LRRC37A2: variants seen among roughly 807,000 people sequenced by gnomAD.
LRRC37A2 encodes the protein leucine-rich repeat-containing protein 37A2.
In LRRC37A2, 9 loss-of-function variants were observed where a neutral mutation model predicts 68.8. That is an observed-to-expected ratio of 0.13 (90% CI 0.08 to 0.23). The LOEUF (loss-of-function observed/expected upper bound fraction) is 0.23. LRRC37A2 is among the 10% of genes least tolerant of loss of function. LRRC37A2 has a pLI of 1.00. For synonymous variants in LRRC37A2, 63 were observed against 367.6 expected (o/e 0.17, Z 9.48); for missense variants, 168 against 950.4 (o/e 0.18, Z 10.82).
At chr17:47,036,743 T>G in the LRRC37A2 span, among the ~76,000 whole-genome samples, 2 of 151,254 alleles carry the variant, frequency 1.3e-5, no homozygotes, top group African/African-American at 4.9e-5. Context: ...GCTGTAGATT[T>G]GATTTGGGTT....
chr17:46,551,038 T>TG (rs2056748658), intron 11 of LRRC37A2, among the ~76,000 whole-genome samples: 1 of 149,928 alleles, frequency 6.7e-6, no homozygotes, highest in African/African-American at 2.5e-5. Flanking sequence ...AGAGTAGCCA[T>TG]CTTTTACAAA....
chr17:46,929,317 G>C, the LRRC37A2 span, among the ~76,000 whole-genome samples: 1 of 152,170 alleles, frequency 6.6e-6, no homozygotes, highest in Non-Finnish European at 1.5e-5. Flanking sequence ...CCCATAATCT[G>C]CCTATCAGTG....
chr17:46,707,304 G>T, the LRRC37A2 span, among the ~76,000 whole-genome samples: 1 of 152,238 alleles, frequency 6.6e-6, no homozygotes, highest in Non-Finnish European at 1.5e-5. Flanking sequence ...TCTTTTGCCT[G>T]TTTTTCTGTT....
At chr17:46,899,201 C>A in the LRRC37A2 span, among the ~76,000 whole-genome samples, 1 of 151,868 alleles carries the variant, frequency 6.6e-6, no homozygotes, top group Non-Finnish European at 1.5e-5. Flanking sequence ...ACCAGCCTGG[C>A]CAGTGTGGCG....
At chr17:47,000,960 A>G in the LRRC37A2 span, among the ~76,000 whole-genome samples, 1 of 151,938 alleles carries the variant, frequency 6.6e-6, no homozygotes. Context: ...ATGTGGTAAA[A>G]CCCCGTCTCT....
At chr17:46,748,679 C>T in the LRRC37A2 span, among the ~76,000 whole-genome samples, 21 of 152,214 alleles carry the variant, frequency 1.4e-4, no homozygotes, top group Non-Finnish European at 1.9e-4. Context: ...TCAGATTGAA[C>T]TGTGAACACA....
At chr17:46,854,661 A>T in the LRRC37A2 span, among the ~76,000 whole-genome samples, 1 of 152,120 alleles carries the variant, frequency 6.6e-6, no homozygotes, top group Non-Finnish European at 1.5e-5. Flanking sequence ...CAGTTTACAA[A>T]TCTCTTTTTT....
chr17:46,868,143 C>G, the LRRC37A2 span, among the ~76,000 whole-genome samples: 1 of 152,182 alleles, frequency 6.6e-6, no homozygotes, highest in Admixed American at 6.5e-5. Context: ...CCAGGAGGCT[C>G]AGGAGCACCT....
the LRRC37A2 span, chr17:46,923,248 G>C: frequency 6.4e-7 from 1 of 1,550,938 alleles, no homozygotes; most frequent in Non-Finnish European, 8.7e-7. Context: ...GAGCGGGCAG[G>C]GGCTAGACGA....
chr17:46,852,672 C>T, the LRRC37A2 span, among the ~76,000 whole-genome samples: 1 of 152,008 alleles, frequency 6.6e-6, no homozygotes, highest in Non-Finnish European at 1.5e-5. Flanking sequence ...CACCCAAAGC[C>T]AACTCCAATA....
the LRRC37A2 span, chr17:46,931,596 A>G: frequency 3.3e-6 from 1 of 306,098 alleles, no homozygotes; most frequent in Non-Finnish European, 6.1e-6. Flanking sequence ...ACCCATAATG[A>G]AATGCTGATC....
the LRRC37A2 span, chr17:46,833,234 G>A: frequency 9.5e-6 from 4 of 421,132 alleles, no homozygotes; most frequent in East Asian, 7.0e-5. Flanking sequence ...CGTGGAAGCT[G>A]GGCCTGAGCC....
At chr17:46,775,683 G>A in the LRRC37A2 span, among the ~76,000 whole-genome samples, 88 of 145,222 alleles carry the variant, frequency 6.1e-4, no homozygotes, top group Admixed American at 7.8e-4. Flanking sequence ...ACGTGATCTC[G>A]GCTCACTGCA....
At chr17:46,996,072 C>T in the LRRC37A2 span, among the ~76,000 whole-genome samples, 1 of 152,066 alleles carries the variant, frequency 6.6e-6, no homozygotes, top group Non-Finnish European at 1.5e-5. Flanking sequence ...GGAGTGAGGT[C>T]TGCTGCTTGC....
At chr17:46,749,036 C>T in the LRRC37A2 span, among the ~76,000 whole-genome samples, 3 of 152,048 alleles carry the variant, frequency 2.0e-5, no homozygotes, top group Non-Finnish European at 4.4e-5. Flanking sequence ...TAATAAATCC[C>T]CATCTTCCAT....
At chr17:46,810,306 C>T in the LRRC37A2 span, among the ~76,000 whole-genome samples, 1 of 152,204 alleles carries the variant, frequency 6.6e-6, no homozygotes, top group African/African-American at 2.4e-5. Flanking sequence ...CATGCCCAGC[C>T]TTCTTATTCC....
chr17:47,031,248 G>A, the LRRC37A2 span, among the ~76,000 whole-genome samples: 2 of 148,862 alleles, frequency 1.3e-5, no homozygotes, highest in South Asian at 4.5e-4. Flanking sequence ...CCCAAGCGCA[G>A]TAAAGTCAAA....
the LRRC37A2 span, among the ~76,000 whole-genome samples, chr17:46,860,744 C>G: frequency 6.6e-6 from 1 of 152,220 alleles, no homozygotes; most frequent in Admixed American, 6.5e-5. Flanking sequence ...CTGTACAATT[C>G]AGAACAAACC....
At chr17:46,799,046 C>CAAAA in the LRRC37A2 span, among the ~76,000 whole-genome samples, 1 of 93,254 alleles carries the variant, frequency 1.1e-5, no homozygotes, top group Non-Finnish European at 2.1e-5. Flanking sequence ...GACTCCGTCT[C>CAAAA]AAAAAAAAAA....
Sources: gnomAD v4.1 joint callset for allele counts (sites outside exome capture counted in the v4.1 genomes callset) on GRCh38, gnomAD v4.1.1 for gene constraint, MANE v1.5 for transcripts, NCBI Gene and HGNC (gene_info 2026-07-23, HGNC 2026-07-21) for gene names.